The following SH3BGRL variants were observed in gnomAD, a reference collection of about 807,000 sequenced individuals.
SH3BGRL encodes the protein SH3 domain binding glutamate rich protein like.
In SH3BGRL, 7 loss-of-function variants were observed where a neutral mutation model predicts 9.8. That is an observed-to-expected ratio of 0.72 (90% confidence interval 0.41 to 1.35). SH3BGRL has a LOEUF of 1.35. SH3BGRL is among the 40% of genes most tolerant of loss of function. The pLI, the probability that SH3BGRL is intolerant of heterozygous loss-of-function variation, is 0.01. For missense variants in SH3BGRL, 73 were observed against 84.4 expected (o/e 0.86, Z 0.53); for synonymous variants, 36 against 29.1 (o/e 1.24, Z -0.76).
chrX:81,243,459 A>T (rs2075678035), intron 1 of SH3BGRL, among the ~76,000 whole-genome samples: 1 of 111,968 alleles, frequency 8.9e-6, no homozygotes, highest in Admixed American at 9.4e-5. Context: ...AGAATGAATA[A>T]GACCTACTAT....
chrX:81,229,014 T>C (rs749986611), intron 1 of SH3BGRL, among the ~76,000 whole-genome samples: 1 of 111,839 alleles, frequency 8.9e-6, no homozygotes, highest in South Asian at 3.7e-4. Flanking sequence ...ACCTAGAAAA[T>C]TGGATAGCTC....
chrX:81,263,190 A>G (rs745539817), intron 1 of SH3BGRL, among the ~76,000 whole-genome samples: 58 of 111,325 alleles, frequency 5.2e-4, no homozygotes, highest in African/African-American at 1.8e-3. Flanking sequence ...AGTGTTGGGC[A>G]TGACATGTTC....
intron 1 of SH3BGRL, among the ~76,000 whole-genome samples, chrX:81,247,539 C>T (rs2075693212): frequency 9.0e-6 from 1 of 111,687 alleles, no homozygotes; most frequent in African/African-American, 3.3e-5. Context: ...TTATTGAAAG[C>T]TTTTTCTGCA....
At chrX:81,244,817 G>A (rs374984522) in intron 1 of SH3BGRL, among the ~76,000 whole-genome samples, 5 of 110,838 alleles carry the variant, frequency 4.5e-5, no homozygotes, top group African/African-American at 1.3e-4. Context: ...TACAGGCCCC[G>A]GTGTGGTGTG....
At chrX:81,290,722 A>T (rs1394511693) in intron 3 of SH3BGRL, among the ~76,000 whole-genome samples, 2 of 111,282 alleles carry the variant, frequency 1.8e-5, no homozygotes, top group African/African-American at 6.5e-5. Flanking sequence ...CTAATAATAT[A>T]ATAATTATGT....
chrX:81,207,115 T>C (rs1602590834), intron 1 of SH3BGRL, among the ~76,000 whole-genome samples: 1 of 112,102 alleles, frequency 8.9e-6, no homozygotes, highest in Non-Finnish European at 1.9e-5. Context: ...GGATGAGAAT[T>C]GCTAGAGAGA....
At chrX:81,202,608 A>G in intron 1 of SH3BGRL, 2 of 774,180 alleles carry the variant, frequency 2.6e-6, no homozygotes, top group Non-Finnish European at 1.5e-6. Context: ...TTTGATGAAT[A>G]CGCCCTAAGT....
chrX:81,254,352 G>T (rs2075719186), intron 1 of SH3BGRL, among the ~76,000 whole-genome samples: 1 of 111,260 alleles, frequency 9.0e-6, no homozygotes, highest in Non-Finnish European at 1.9e-5. Flanking sequence ...TGTTTTTTTG[G>T]CTTGTGTCTG....
At chrX:81,256,482 A>G (rs1160643894) in intron 1 of SH3BGRL, among the ~76,000 whole-genome samples, 1 of 111,657 alleles carries the variant, frequency 9.0e-6, no homozygotes, top group Admixed American at 9.5e-5. Context: ...CCTTTTTCTG[A>G]GCAGAACACT....
At chrX:81,220,328 C>T (rs899170647) in intron 1 of SH3BGRL, among the ~76,000 whole-genome samples, 22 of 111,418 alleles carry the variant, frequency 2.0e-4, no homozygotes, top group African/African-American at 7.2e-4. Flanking sequence ...TTTTGGATTT[C>T]TCCATGGTTC....
chrX:81,204,659 T>C (rs748798215), intron 1 of SH3BGRL, among the ~76,000 whole-genome samples: 32 of 109,593 alleles, frequency 2.9e-4, no homozygotes, highest in Non-Finnish European at 6.1e-4. Context: ...TCTGTGATAA[T>C]TGGCAAGACA....
At chrX:81,223,993 T>A (rs2075608935) in intron 1 of SH3BGRL, among the ~76,000 whole-genome samples, 2 of 112,050 alleles carry the variant, frequency 1.8e-5, no homozygotes, top group South Asian at 7.4e-4. Flanking sequence ...GCCAAATTCT[T>A]TAGTCAGTAA....
At chrX:81,205,486 A>G (rs766200406) in intron 1 of SH3BGRL, among the ~76,000 whole-genome samples, 58 of 90,494 alleles carry the variant, frequency 6.4e-4, no homozygotes, top group East Asian at 2.2e-3. Context: ...GTGTATATAT[A>G]TGTGTGTGTG....
chrX:81,257,755 A>T (rs932733383), intron 1 of SH3BGRL, among the ~76,000 whole-genome samples: 1 of 110,866 alleles, frequency 9.0e-6, no homozygotes, highest in Non-Finnish European at 1.9e-5. Context: ...CCCACACTCA[A>T]GGGGAGGGAA....
rs771235554 is a variant in SH3BGRL, at chrX:81,291,129, C to G, written c.313-6066C>G. On this transcript the variant is annotated intron_variant, in intron 3 of 3. Transcript: ENST00000373212. ...TTTTGACATCTAAACACTGTTAAAG[C>G]TTCAAAAGAACTTAGGGACTTTTCC... Among the ~76,000 whole-genome samples, 47 of 111,877 alleles carry G rather than the reference C, an allele frequency of 4.2e-4. No individual in the cohort carries two copies. The South Asian group carries it at 0.018, about 42-fold the overall frequency.
chrX:81,290,162 G>A (rs2075852463), intron 3 of SH3BGRL, among the ~76,000 whole-genome samples: 1 of 111,863 alleles, frequency 8.9e-6, no homozygotes, highest in South Asian at 3.7e-4. Flanking sequence ...ATACAGAACA[G>A]TTTGGAGGTT....
intron 3 of SH3BGRL, among the ~76,000 whole-genome samples, chrX:81,292,269 C>T (rs1286794701): frequency 1.8e-5 from 2 of 112,147 alleles, no homozygotes; most frequent in African/African-American, 6.5e-5. Flanking sequence ...CAAGCTTCAA[C>T]TCTTGCCTGC....
rs770611267 is a variant in SH3BGRL at position 81,289,130 on chromosome X, C to T, written c.313-8065C>T. On this transcript the variant is annotated intron_variant, in intron 3 of 3. Transcript: ENST00000373212. ...ACCCAGAAACAAATCCTCACATCTA[C>T]GGTGAACTCATTTTTGACAAAGGTG... Among the ~76,000 whole-genome samples the T allele has an allele frequency of 8.9e-5, 10 of 111,961 alleles. No individual in the cohort carries two copies. In the South Asian group the frequency reaches 1.9e-3, roughly 21 times the overall value.
intron 3 of SH3BGRL, among the ~76,000 whole-genome samples, chrX:81,291,847 T>A (rs747503555): frequency 8.9e-6 from 1 of 112,131 alleles, no homozygotes; most frequent in Admixed American, 9.4e-5. Context: ...GTAGGACAAT[T>A]ATTACATCTT....
Sources: allele counts gnomAD v4.1 joint callset (sites outside exome capture counted in the v4.1 genomes callset), GRCh38; gene constraint gnomAD v4.1.1; transcripts MANE v1.5; gene names NCBI Gene and HGNC (gene_info 2026-07-23, HGNC 2026-07-21).